The following TECRL variants were observed in gnomAD, a reference collection of about 807,000 sequenced individuals.
TECRL encodes trans-2,3-enoyl-CoA reductase like, also known as trans-2,3-enoyl-CoA reductase-like.
A neutral mutation model predicts 52.8 loss-of-function variants in TECRL; 63 were observed. That is an observed-to-expected ratio of 1.19 (90% CI 0.97 to 1.47). TECRL has a LOEUF of 1.47. Ranked by LOEUF, TECRL falls within the 40% of genes most tolerant of loss-of-function variation. The probability of loss-of-function intolerance (pLI) is 0.00; values close to 1 mark genes in which losing one functional copy is unlikely to be tolerated. For synonymous variants in TECRL, 164 were observed against 141.9 expected (o/e 1.16, Z -1.10); for missense variants, 482 against 429.6 (o/e 1.12, Z -1.08).
At chr4:64,353,344 A>C (rs1287203664) in intron 2 of TECRL, among the ~76,000 whole-genome samples, 2 of 152,298 alleles carry the variant, frequency 1.3e-5, no homozygotes, top group African/African-American at 4.8e-5. Flanking sequence ...GAATGGATAA[A>C]ATAAGAGAAC....
At chr4:64,408,506 C>T (rs1367629647) in intron 1 of TECRL, among the ~76,000 whole-genome samples, 1 of 151,816 alleles carries the variant, frequency 6.6e-6, no homozygotes, top group African/African-American at 2.4e-5. Context: ...TAGTGCAACA[C>T]CTGTGAATAT....
chr4:64,391,907 TA>T (rs1195315265), intron 1 of TECRL, among the ~76,000 whole-genome samples: 1 of 151,880 alleles, frequency 6.6e-6, no homozygotes, highest in Non-Finnish European at 1.5e-5. Context: ...GAAGGATCTT[TA>T]AAAATAAACT....
intron 2 of TECRL, among the ~76,000 whole-genome samples, chr4:64,371,017 C>A (rs1012581078): frequency 1.3e-5 from 2 of 151,534 alleles, no homozygotes; most frequent in African/African-American, 4.8e-5. Context: ...ATTTTTTTCA[C>A]CCAACTTCAA....
intron 4 of TECRL, among the ~76,000 whole-genome samples, chr4:64,320,706 C>G (rs1014699286): frequency 6.6e-6 from 1 of 152,016 alleles, no homozygotes; most frequent in Non-Finnish European, 1.5e-5. Flanking sequence ...ACAGAGTTCC[C>G]TTTTCGTTGT....
chr4:64,374,368 T>A (rs1029766182), intron 2 of TECRL, among the ~76,000 whole-genome samples: 8 of 151,816 alleles, frequency 5.3e-5, no homozygotes, highest in African/African-American at 1.7e-4. Flanking sequence ...AAGGTTTTTA[T>A]TCATAGATTC....
chr4:64,335,759 G>A (rs907917791), intron 2 of TECRL, among the ~76,000 whole-genome samples: 5 of 152,130 alleles, frequency 3.3e-5, no homozygotes, highest in Non-Finnish European at 7.4e-5. Flanking sequence ...ATGATTGTAT[G>A]TCAGAAAGAG....
chr4:64,290,280 T>C (rs997281866), intron 8 of TECRL, among the ~76,000 whole-genome samples: 3 of 147,224 alleles, frequency 2.0e-5, no homozygotes, highest in African/African-American at 7.5e-5. Flanking sequence ...CTTGATCATA[T>C]GCACTCTACT....
intron 1 of TECRL, among the ~76,000 whole-genome samples, chr4:64,403,620 A>G (rs1724512282): frequency 6.6e-6 from 1 of 152,076 alleles, no homozygotes; most frequent in African/African-American, 2.4e-5. Flanking sequence ...TTCCATAAAA[A>G]ATGAATAAAA....
rs78406709 is a variant in TECRL at position 64,341,464 on chromosome 4, G to A, written c.287-12908C>T. Among the ~76,000 whole-genome samples, 333 of 152,182 alleles carry A rather than the reference G, an allele frequency of 2.2e-3. 2 individuals are homozygous for A. Among genetic ancestry groups the A allele is most frequent in the African/African-American group, 7.8e-3 (324 of 41,514 alleles). On this transcript the variant is annotated intron_variant, in intron 2 of 11. Transcript: ENST00000381210. ...AAAATACAAAAATTAGCTGGGGGTG[G>A]TGGCACATTCCTGTAATCTCAGCTA... is the stretch of plus-strand genomic sequence containing the variant.
chr4:64,369,347 G>A (rs1331383318), intron 2 of TECRL, among the ~76,000 whole-genome samples: 3 of 152,082 alleles, frequency 2.0e-5, no homozygotes, highest in African/African-American at 4.8e-5. Flanking sequence ...TAATTTAGTA[G>A]TTTTTTTACA....
rs1280547684 is a variant in TECRL at position 64,279,889 on chromosome 4, T to G, written c.*183A>C. Reference sequence around the variant, plus strand: ...GTTCTTAGTTAATTGCATTTATAATTTATACTTTTTATTACCATGTGCATT... The same window carrying G: ...GTTCTTAGTTAATTGCATTTATAATGTATACTTTTTATTACCATGTGCATT... On this transcript the variant is annotated 3_prime_UTR_variant, in exon 12 of 12. Transcript: ENST00000381210. 8.6e-7 allele frequency: 1 copy of G among 1,162,054 alleles called. No homozygotes were observed. The highest frequency in any genetic ancestry group is 1.6e-5 in the African/African-American group (1 of 62,082). 72.0% of individuals were successfully genotyped at this position (1,162,054 alleles called of 1,614,324 possible). A position where few individuals can be genotyped will look rare whatever the true frequency, so the allele number is the denominator to read the frequency against.
At chr4:64,361,027 C>T (rs998441842) in intron 2 of TECRL, among the ~76,000 whole-genome samples, 3 of 152,034 alleles carry the variant, frequency 2.0e-5, no homozygotes, top group African/African-American at 7.2e-5. Context: ...CTAGACAGAG[C>T]GGGGTGGCCT....
At chr4:64,343,240 G>A (rs377461387) in intron 2 of TECRL, among the ~76,000 whole-genome samples, 2 of 152,064 alleles carry the variant, frequency 1.3e-5, no homozygotes, top group Non-Finnish European at 2.9e-5. Flanking sequence ...GTGATACAGT[G>A]TATATTAATA....
intron 2 of TECRL, among the ~76,000 whole-genome samples, chr4:64,338,095 T>G (rs984305448): frequency 6.6e-6 from 1 of 152,004 alleles, no homozygotes; most frequent in African/African-American, 2.4e-5. Context: ...TATAGACCAA[T>G]GGAACAGAAC....
intron 2 of TECRL, among the ~76,000 whole-genome samples, chr4:64,364,892 C>T (rs1721485995): frequency 6.6e-6 from 1 of 151,862 alleles, no homozygotes; most frequent in Non-Finnish European, 1.5e-5. Flanking sequence ...AGGACTCCTC[C>T]CTAACTCATT....
At chr4:64,353,931 A>G (rs1720579138) in intron 2 of TECRL, among the ~76,000 whole-genome samples, 1 of 152,162 alleles carries the variant, frequency 6.6e-6, no homozygotes, top group African/African-American at 2.4e-5. Context: ...GAGACAAACT[A>G]TATACTACAA....
At chr4:64,341,966 T>A (rs1709584235) in intron 2 of TECRL, among the ~76,000 whole-genome samples, 1 of 152,162 alleles carries the variant, frequency 6.6e-6, no homozygotes, top group African/African-American at 2.4e-5. Context: ...ACACCTGACT[T>A]CAGTTTCCCT....
At chr4:64,370,602 A>G (rs995779573) in intron 2 of TECRL, among the ~76,000 whole-genome samples, 1 of 151,858 alleles carries the variant, frequency 6.6e-6, no homozygotes, top group Non-Finnish European at 1.5e-5. Context: ...GAGTAGAAAA[A>G]TTCCAGTAAT....
chr4:64,362,445 G>A lies in TECRL; in HGVS notation c.286+12727C>T, dbSNP rs144238003. On this transcript the variant is annotated intron_variant, in intron 2 of 11. Coordinates refer to ENST00000381210, the MANE Select transcript of TECRL (RefSeq NM_001010874.5). ...AAAAGAAAAAAATAAATAAATAAAG[G>A]CAGTTACAGGAAAGAGGCAGGTCAC... is the stretch of plus-strand genomic sequence containing the variant. Among the ~76,000 whole-genome samples the A allele has an allele frequency of 7.4e-3, 1,121 of 151,742 alleles. 14 individuals carry two copies. Among genetic ancestry groups the A allele is most frequent in the African/African-American group, 0.025 (1,025 of 41,404 alleles).
Sources: allele counts gnomAD v4.1 joint callset (sites outside exome capture counted in the v4.1 genomes callset), GRCh38; gene constraint gnomAD v4.1.1; transcripts MANE v1.5; gene names NCBI Gene and HGNC (gene_info 2026-07-23, HGNC 2026-07-21).